The following GK variants were observed in gnomAD, a reference collection of about 807,000 sequenced individuals.
GK encodes glycerol kinase, also known as ATP:glycerol 3-phosphotransferase.
A neutral mutation model predicts 56.4 loss-of-function variants in GK; 9 were observed. The ratio of observed to expected loss-of-function variants is 0.16; its 90% confidence interval spans 0.10 to 0.28. The LOEUF (loss-of-function observed/expected upper bound fraction) is 0.28, where lower values mean the gene tolerates loss of function less well. GK is among the 10% of genes least tolerant of loss of function. The pLI is 1.00. For synonymous variants in GK, 104 were observed against 144.1 expected (o/e 0.72, Z 1.99); for missense variants, 161 against 431.4 (o/e 0.37, Z 5.55).
intron 4 of GK, among the ~76,000 whole-genome samples, chrX:30,686,061 G>A (rs966236040): frequency 2.7e-5 from 3 of 112,620 alleles, no homozygotes; most frequent in South Asian, 3.6e-4. Context: ...GCCTACCTAG[G>A]ATCACCCACA....
chrX:30,700,988 T>A, intron 11 of GK, 83 bp downstream of exon 11: 1 of 611,707 alleles, frequency 1.6e-6, no homozygotes, highest in Non-Finnish European at 2.8e-6. Flanking sequence ...GCTTTTGAAG[T>A]TCATCCAGGA....
At chrX:30,659,034 C>CTTTT (rs1404455661) in intron 1 of GK, among the ~76,000 whole-genome samples, 1 of 111,876 alleles carries the variant, frequency 8.9e-6, no homozygotes, top group Non-Finnish European at 1.9e-5. Flanking sequence ...TTCTTTCTTT[C>CTTTT]TTTTCCTTTT....
intron 1 of GK, among the ~76,000 whole-genome samples, chrX:30,659,092 C>T (rs769122421): frequency 1.8e-5 from 2 of 111,999 alleles, no homozygotes; most frequent in Admixed American, 9.5e-5. Flanking sequence ...AGTGCAATGG[C>T]GTGATCTCAG....
intron 8 of GK, 37 bp from the exon 9 acceptor site, chrX:30,697,695 T>A (rs760567916): frequency 7.3e-5 from 75 of 1,024,024 alleles, no homozygotes; most frequent in Non-Finnish European, 1.0e-4. Context: ...TAAAATATTA[T>A]GCTTCTATCC....
intron 1 of GK, among the ~76,000 whole-genome samples, chrX:30,658,313 CTT>C (rs1932452324): frequency 9.0e-6 from 1 of 110,527 alleles, no homozygotes; most frequent in African/African-American, 3.3e-5. Context: ...AGTTGTGATT[CTT>C]TTTGTTTTTT....
At chrX:30,655,779 T>C (rs757246744) in intron 1 of GK, among the ~76,000 whole-genome samples, 1 of 112,066 alleles carries the variant, frequency 8.9e-6, no homozygotes, top group African/African-American at 3.2e-5. Flanking sequence ...CCTCAGGTTT[T>C]GTTGCCTAAA....
Position 30,668,016 on chromosome X carries a change from G to A in GK, c.157G>A (p.Val53Met), listed in dbSNP as rs778453263. ...AATGCCTTCTTTTGTTCAAAGATGGGTGGAACAGGACCCTAAGGAAATTCT... is the reference window on the plus strand; with the variant it reads ...AATGCCTTCTTTTGTTCAAAGATGGATGGAACAGGACCCTAAGGAAATTCT... ...IKQEFPREGW[V>M]EQDPKEILHS... is the part of the protein sequence containing the mutation. The change falls in exon 3 of 21, where the codon GTG becomes ATG. Residue 53 changes from valine to methionine, a missense_variant. Transcript: ENST00000427190. 2 of 1,060,706 alleles carry A rather than the reference G, an allele frequency of 1.9e-6. No homozygotes were observed. The highest frequency in any genetic ancestry group is 1.9e-5 in the South Asian group (1 of 53,944). 87.4% of individuals were successfully genotyped at this position (1,060,706 alleles called of 1,213,427 possible). A position where few individuals can be genotyped will look rare whatever the true frequency, so the allele number is the denominator to read the frequency against.
chrX:30,691,593 C>T (rs899262652), intron 5 of GK, among the ~76,000 whole-genome samples: 1 of 107,291 alleles, frequency 9.3e-6, no homozygotes, highest in African/African-American at 3.4e-5. Flanking sequence ...CTGCCTCAGC[C>T]TCCCGAGTAG....
At chrX:30,705,589 G>A (rs1356450110) in intron 11 of GK, among the ~76,000 whole-genome samples, 1 of 112,393 alleles carries the variant, frequency 8.9e-6, no homozygotes, top group Non-Finnish European at 1.9e-5. Context: ...CTTTGTAGAA[G>A]TTAGAAAAGT....
At chrX:30,694,880 A>T (rs1057193696) in intron 6 of GK, among the ~76,000 whole-genome samples, 5 of 112,225 alleles carry the variant, frequency 4.5e-5, no homozygotes, top group Non-Finnish European at 9.4e-5. Context: ...ATAACTATTT[A>T]GCAGGATAAA....
At chrX:30,713,114 G>GCCTCA (rs2147248804) in intron 13 of GK, among the ~76,000 whole-genome samples, 1 of 111,426 alleles carries the variant, frequency 9.0e-6, no homozygotes, top group South Asian at 3.8e-4. Flanking sequence ...AAGCCATATA[G>GCCTCA]CCTCAGTCAG....
At chrX:30,704,675 A>T (rs1057196374) in intron 11 of GK, among the ~76,000 whole-genome samples, 4 of 108,011 alleles carry the variant, frequency 3.7e-5, no homozygotes, top group Non-Finnish European at 7.7e-5. Flanking sequence ...AGGTTCAAGC[A>T]GTTCTCCTGC....
intron 1 of GK, among the ~76,000 whole-genome samples, chrX:30,656,061 A>G (rs910360698): frequency 8.9e-6 from 1 of 112,337 alleles, no homozygotes; most frequent in Non-Finnish European, 1.9e-5. Flanking sequence ...AAATAAAAAA[A>G]CCGTAGAGAT....
At chrX:30,705,842 A>G (rs1394624288) in intron 11 of GK, among the ~76,000 whole-genome samples, 1 of 112,009 alleles carries the variant, frequency 8.9e-6, no homozygotes, top group African/African-American at 3.2e-5. Context: ...TATTAAGTAT[A>G]CTCACTTAAG....
At chrX:30,699,667 G>A (rs1935536800) in intron 9 of GK, among the ~76,000 whole-genome samples, 1 of 110,131 alleles carries the variant, frequency 9.1e-6, no homozygotes, top group African/African-American at 3.3e-5. Flanking sequence ...CCCGGCTGGG[G>A]ATCCTATTTC....
In GK at chrX:30,720,934, C is replaced by G. The variant is rs1409970684; in HGVS notation, c.1440C>G (p.Leu480=). Residue 480 remains leucine, a synonymous_variant, in exon 18 of 21, where the codon CTC becomes CTG. Coordinates refer to ENST00000427190, the MANE Select transcript of GK (RefSeq NM_001205019.2). ...GAAEGVGVWS[L]EPEDLSAVTM... The stretch of plus-strand genomic sequence containing the variant: ...CAGAAGGAGTCGGCGTATGGAGTCT[C>G]GAACCCGAGGATTTGTCTGCCGTCA... 2 of 1,210,467 alleles carry G rather than the reference C, an allele frequency of 1.7e-6. No individual in the cohort carries two copies. The highest frequency in any genetic ancestry group is 1.8e-5 in the South Asian group (1 of 56,921).
intron 3 of GK, among the ~76,000 whole-genome samples, chrX:30,674,699 T>C (rs1933759033): frequency 9.0e-6 from 1 of 110,963 alleles, no homozygotes; most frequent in African/African-American, 3.3e-5. Context: ...TATATAAACT[T>C]TTAGATACAG....
chrX:30,686,338 A>T (rs1457319211), intron 4 of GK, among the ~76,000 whole-genome samples: 1 of 112,289 alleles, frequency 8.9e-6, no homozygotes, highest in Non-Finnish European at 1.9e-5. Context: ...TTTTACTATC[A>T]TGTCTCTTGT....
chrX:30,702,346 T>A (rs1935729307), intron 11 of GK, among the ~76,000 whole-genome samples: 4 of 112,294 alleles, frequency 3.6e-5, no homozygotes, highest in Admixed American at 2.8e-4. Flanking sequence ...CTGGCCAAGG[T>A]AATCTTTTAA....
Sources: allele counts gnomAD v4.1 joint callset (sites outside exome capture counted in the v4.1 genomes callset), GRCh38; gene constraint gnomAD v4.1.1; transcripts MANE v1.5; gene names NCBI Gene and HGNC (gene_info 2026-07-23, HGNC 2026-07-21).